ZNF536: variants seen among roughly 807,000 people sequenced by gnomAD.
ZNF536 encodes the protein zinc finger protein 536.
A neutral mutation model predicts 84.5 loss-of-function variants in ZNF536; 13 were observed. The observed-to-expected ratio is 0.15, with a 90% CI of 0.10 to 0.24. The LOEUF (loss-of-function observed/expected upper bound fraction) is 0.24. Among genes scored for constraint, ZNF536 ranks in the 10% least tolerant of loss-of-function variants. The pLI is 1.00. For missense variants in ZNF536, 1,536 were observed against 1,747.5 expected (o/e 0.88, Z 2.16); for synonymous variants, 811 against 742.5 (o/e 1.09, Z -1.50).
At position 30,247,515 on chromosome 19, in the gene ZNF536, C is replaced by T. The variant is rs542277056; in HGVS notation, c.-190+18842C>T. Reference sequence around the variant, plus strand: ...CTTCTCTGATGGGTTACACCTCGAACCTGGAGACATGGTTAAACATCCACA... The same window carrying T: ...CTTCTCTGATGGGTTACACCTCGAATCTGGAGACATGGTTAAACATCCACA... On this transcript the variant is annotated intron_variant, in intron 1 of 5. Coordinates refer to the ZNF536 transcript ENST00000585628. Among the ~76,000 whole-genome samples, 9 of 152,284 alleles carry T rather than the reference C, an allele frequency of 5.9e-5. 1 individual carries two copies. In the South Asian group the frequency reaches 1.9e-3, roughly 32 times the overall value.
chr19:30,561,630 T>C (rs1043611599), downstream of ZNF536, among the ~76,000 whole-genome samples: 1 of 152,154 alleles, frequency 6.6e-6, no homozygotes, highest in Non-Finnish European at 1.5e-5. Flanking sequence ...TGCAGGACCA[T>C]GGGGGCTCAG....
rs754370848 is a variant in ZNF536 at position 30,340,007 on chromosome 19, G to A, written c.-119-12361G>A. On this transcript the variant is annotated intron_variant, in intron 2 of 5. Coordinates refer to the ZNF536 transcript ENST00000585628. Reference sequence around the variant, plus strand: ...ACTCTTCATCCTAGGGAAGGCAGGTGGACTCCCCATGAATCCTGTCCTGGG... The same window carrying A: ...ACTCTTCATCCTAGGGAAGGCAGGTAGACTCCCCATGAATCCTGTCCTGGG... Among the ~76,000 whole-genome samples the A allele has an allele frequency of 5.5e-4, 84 of 152,286 alleles. No homozygotes were observed. The Middle Eastern group carries it at 0.01, about 18-fold the overall frequency.
chr19:30,273,689 CT>C (rs1250235766), intron 1 of ZNF536, among the ~76,000 whole-genome samples: 4 of 152,204 alleles, frequency 2.6e-5, no homozygotes, highest in Non-Finnish European at 5.9e-5. Flanking sequence ...TGTAGCTTGT[CT>C]TTTCATTCTC....
chr19:30,567,417 A>G (rs1303899557), intron 1 of ZNF536, among the ~76,000 whole-genome samples: 3 of 152,200 alleles, frequency 2.0e-5, no homozygotes, highest in Admixed American at 2.0e-4. Flanking sequence ...ACCTCTCCAT[A>G]AATGACAAAG....
intron 2 of ZNF536, among the ~76,000 whole-genome samples, chr19:30,299,521 A>C (rs12971337): frequency 0.36 from 54,006 of 152,058 alleles, 11,291 homozygotes; most frequent in Non-Finnish European, 0.48. Context: ...AAGCCAGAAG[A>C]GTCCAGCAAT....
chr19:30,690,561 A>G (rs1244098236), intron 1 of ZNF536, among the ~76,000 whole-genome samples: 1 of 152,204 alleles, frequency 6.6e-6, no homozygotes, highest in Non-Finnish European at 1.5e-5. Context: ...ACAGCTTTCC[A>G]CTGGATTCAC....
chr19:30,279,280 C>G (rs956770685), intron 1 of ZNF536, among the ~76,000 whole-genome samples: 1 of 152,188 alleles, frequency 6.6e-6, no homozygotes, highest in African/African-American at 2.4e-5. Context: ...AACATGAGCT[C>G]CATGCAGGTG....
intron 1 of ZNF536, among the ~76,000 whole-genome samples, chr19:30,709,565 T>G (rs1053774894): frequency 6.6e-6 from 1 of 152,192 alleles, no homozygotes; most frequent in Non-Finnish European, 1.5e-5. Context: ...TTGTGCAGAA[T>G]TGGGGTCAGC....
chr19:30,485,374 G>T (rs1244739159), intron 2 of ZNF536, among the ~76,000 whole-genome samples: 1 of 151,984 alleles, frequency 6.6e-6, no homozygotes, highest in Non-Finnish European at 1.5e-5. Context: ...TCATAGAATT[G>T]TGCAACCATC....
Position 30,563,303 on chromosome 19 carries a change from T to A in ZNF536, c.169+13789T>A, listed in dbSNP as rs190534577. ...TGGGGTGAACACATCTGGAGGTCTG[T>A]TGGGGAACCTATATGATAATTCAAC... is the stretch of plus-strand genomic sequence containing the variant. On this transcript the variant is annotated intron_variant, in intron 1 of 1. Coordinates refer to the ZNF536 transcript ENST00000592773. 2.6e-5 allele frequency among the ~76,000 whole-genome samples: 4 copies of A among 152,212 alleles called. No homozygotes were observed. In the South Asian group the frequency reaches 8.3e-4, roughly 31 times the overall value.
intron 1 of ZNF536, among the ~76,000 whole-genome samples, chr19:30,590,244 T>C: frequency 6.6e-6 from 1 of 152,158 alleles, no homozygotes; most frequent in East Asian, 1.9e-4. Context: ...CCATCAATGT[T>C]GGACATGGAA....
At chr19:30,301,401 A>G (rs1316635268) in intron 2 of ZNF536, among the ~76,000 whole-genome samples, 2 of 152,200 alleles carry the variant, frequency 1.3e-5, no homozygotes, top group Non-Finnish European at 2.9e-5. Context: ...GTAAAGGGCG[A>G]CAGAAGGGAT....
At chr19:30,561,366 C>T (rs999266079), downstream of ZNF536, among the ~76,000 whole-genome samples, 10 of 152,196 alleles carry the variant, frequency 6.6e-5, no homozygotes, top group East Asian at 3.9e-4. Context: ...ACAGTGGCCC[C>T]AGTGGATAAT....
At chr19:30,231,956 T>C (rs1280145968) in intron 1 of ZNF536, among the ~76,000 whole-genome samples, 1 of 152,088 alleles carries the variant, frequency 6.6e-6, no homozygotes, top group African/African-American at 2.4e-5. Flanking sequence ...GTTGGAGGGG[T>C]TGGGGTGGAA....
chr19:30,398,401 A>T (rs1464581209), intron 1 of ZNF536, among the ~76,000 whole-genome samples: 47 of 96,894 alleles, frequency 4.9e-4, no homozygotes, highest in Admixed American at 8.5e-4. Flanking sequence ...TTTTTTTTTT[A>T]AATTATAGTT....
chr19:30,328,026 A>G (rs2047094070), intron 2 of ZNF536, among the ~76,000 whole-genome samples: 1 of 152,162 alleles, frequency 6.6e-6, no homozygotes, highest in Non-Finnish European at 1.5e-5. Context: ...CCTGCTTTGT[A>G]AGGTGGGTGT....
intron 1 of ZNF536, among the ~76,000 whole-genome samples, chr19:30,272,135 G>A (rs144772400): frequency 3.9e-4 from 60 of 152,326 alleles, no homozygotes; most frequent in African/African-American, 1.4e-3. Context: ...AAATACTTCA[G>A]CTAGGGAAGA....
chr19:30,617,420 G>A (rs1022966939), intron 1 of ZNF536, among the ~76,000 whole-genome samples: 1 of 132,806 alleles, frequency 7.5e-6, no homozygotes, highest in Admixed American at 9.0e-5. Flanking sequence ...GTGCAATCTC[G>A]GCTCACTGCA....
intron 1 of ZNF536, among the ~76,000 whole-genome samples, chr19:30,271,018 C>T (rs1476148134): frequency 6.6e-6 from 1 of 151,988 alleles, no homozygotes; most frequent in Admixed American, 6.6e-5. Context: ...AGAATGCACT[C>T]TTTCTAAGAA....
Sources: gnomAD v4.1 joint callset for allele counts (sites outside exome capture counted in the v4.1 genomes callset) on GRCh38, gnomAD v4.1.1 for gene constraint, MANE v1.5 for transcripts, NCBI Gene and HGNC (gene_info 2026-07-23, HGNC 2026-07-21) for gene names.